Variants in SPRR2G observed in about 807,000 individuals in gnomAD.
SPRR2G encodes the protein small proline-rich protein 2G.
Under a neutral mutation model 0.7 loss-of-function variants are expected in SPRR2G, and 1 was observed. The observed-to-expected ratio is 1.49, with a 90% CI of 0.53 to 7.06. The LOEUF (loss-of-function observed/expected upper bound fraction) is 7.06. Among genes scored for constraint, SPRR2G ranks in the 30% most tolerant of loss-of-function variants. The pLI, the probability that SPRR2G is intolerant of heterozygous loss-of-function variation, is 0.14. For missense variants in SPRR2G, 96 were observed against 88.5 expected (o/e 1.09, Z -0.34); for synonymous variants, 38 against 33.9 (o/e 1.12, Z -0.42).
chr1:153,195,246 C>T, the SPRR2G span, among the ~76,000 whole-genome samples: 1 of 152,208 alleles, frequency 6.6e-6, no homozygotes, highest in Non-Finnish European at 1.5e-5. Flanking sequence ...TCTCTTTCTT[C>T]CAGAATCACA....
At chr1:153,151,452 G>A (rs1020998699), upstream of SPRR2G, among the ~76,000 whole-genome samples, 1 of 152,208 alleles carries the variant, frequency 6.6e-6, no homozygotes, top group Non-Finnish European at 1.5e-5. Flanking sequence ...ACCTGGGTGT[G>A]TTCTGACATG....
At chr1:153,183,512 GTCT>G in the SPRR2G span, among the ~76,000 whole-genome samples, 1 of 152,032 alleles carries the variant, frequency 6.6e-6, no homozygotes, top group Non-Finnish European at 1.5e-5. Flanking sequence ...CCACATATAT[GTCT>G]TCTTTTGACA....
chr1:153,195,374 C>G, the SPRR2G span, among the ~76,000 whole-genome samples: 1 of 152,186 alleles, frequency 6.6e-6, no homozygotes, highest in Non-Finnish European at 1.5e-5. Context: ...GGATTGGACA[C>G]GTGGGCCATG....
chr1:153,192,080 G>A, the SPRR2G span, among the ~76,000 whole-genome samples: 3 of 152,150 alleles, frequency 2.0e-5, no homozygotes, highest in Admixed American at 2.0e-4. Flanking sequence ...GCAGCAGTGG[G>A]GACACACATG....
At chr1:153,176,169 G>A in the SPRR2G span, 2 of 152,174 alleles carry the variant, frequency 1.3e-5, no homozygotes, top group African/African-American at 4.8e-5. Flanking sequence ...TGCCAGAGAA[G>A]GAATAGGGCA....
At chr1:153,183,497 G>C in the SPRR2G span, among the ~76,000 whole-genome samples, 184 of 152,066 alleles carry the variant, frequency 1.2e-3, no homozygotes, top group Non-Finnish European at 2.2e-3. Flanking sequence ...TCATGTGTTT[G>C]TTGGCCACAT....
At chr1:153,202,814 C>T in the SPRR2G span, among the ~76,000 whole-genome samples, 3 of 152,162 alleles carry the variant, frequency 2.0e-5, no homozygotes, top group South Asian at 4.1e-4. Flanking sequence ...TGAGTTCAGG[C>T]ACCCTGTGTC....
At chr1:153,184,600 T>G in the SPRR2G span, among the ~76,000 whole-genome samples, 4 of 152,212 alleles carry the variant, frequency 2.6e-5, no homozygotes, top group Non-Finnish European at 5.9e-5. Flanking sequence ...AAGGAGTTTT[T>G]GGGCTGAGAA....
the SPRR2G span, among the ~76,000 whole-genome samples, chr1:153,202,931 A>G: frequency 6.6e-6 from 1 of 152,220 alleles, no homozygotes; most frequent in Non-Finnish European, 1.5e-5. Flanking sequence ...CAAGGAAGGA[A>G]TTCTGAGAGG....
upstream of SPRR2G, among the ~76,000 whole-genome samples, chr1:153,151,787 G>T (rs1054259471): frequency 8.5e-5 from 13 of 152,192 alleles, no homozygotes; most frequent in African/African-American, 2.9e-4. Context: ...TTCGAGGAGT[G>T]AAGTTCTGTA....
upstream of SPRR2G, among the ~76,000 whole-genome samples, chr1:153,154,806 C>G (rs1370819491): frequency 6.6e-6 from 1 of 152,060 alleles, no homozygotes; most frequent in Non-Finnish European, 1.5e-5. Context: ...GCTGTCTCTT[C>G]TGTCCCACAT....
chr1:153,192,095 G>A, the SPRR2G span, among the ~76,000 whole-genome samples: 1 of 152,204 alleles, frequency 6.6e-6, no homozygotes, highest in African/African-American at 2.4e-5. Context: ...CACATGTGCT[G>A]CATGAACCAT....
At chr1:153,196,740 C>T in the SPRR2G span, among the ~76,000 whole-genome samples, 34 of 152,370 alleles carry the variant, frequency 2.2e-4, no homozygotes, top group African/African-American at 8.2e-4. Context: ...CTTTTCACTG[C>T]CTTCCTTACC....
the SPRR2G span, among the ~76,000 whole-genome samples, chr1:153,165,357 A>C: frequency 6.6e-6 from 1 of 152,234 alleles, no homozygotes; most frequent in Non-Finnish European, 1.5e-5. Flanking sequence ...ACAGAGCATA[A>C]AACTGAACCT....
the SPRR2G span, among the ~76,000 whole-genome samples, chr1:153,198,852 G>C: frequency 1.3e-5 from 2 of 152,112 alleles, no homozygotes; most frequent in Admixed American, 6.6e-5. Flanking sequence ...CAGCAATGGT[G>C]GATAATAATA....
the SPRR2G span, among the ~76,000 whole-genome samples, chr1:153,193,138 A>G: frequency 6.6e-6 from 1 of 152,196 alleles, no homozygotes; most frequent in Non-Finnish European, 1.5e-5. Context: ...ATGCAGCTAG[A>G]GGACAAAAGA....
the SPRR2G span, among the ~76,000 whole-genome samples, chr1:153,195,039 TAGC>T: frequency 6.6e-6 from 1 of 152,208 alleles, no homozygotes; most frequent in East Asian, 1.9e-4. Context: ...AAAGATGACC[TAGC>T]AGCAGCTGCA....
the SPRR2G span, among the ~76,000 whole-genome samples, chr1:153,176,980 A>C: frequency 2.6e-5 from 4 of 152,178 alleles, no homozygotes; most frequent in Admixed American, 6.5e-5. Flanking sequence ...CCTTGCAGTT[A>C]GTTAATCCCC....
the SPRR2G span, among the ~76,000 whole-genome samples, chr1:153,179,441 T>C: frequency 6.6e-6 from 1 of 152,264 alleles, no homozygotes; most frequent in South Asian, 2.1e-4. Flanking sequence ...GAATTCAATA[T>C]GAAGTTGTTT....
Sources: allele counts gnomAD v4.1 joint callset (sites outside exome capture counted in the v4.1 genomes callset), GRCh38; gene constraint gnomAD v4.1.1; transcripts MANE v1.5; gene names NCBI Gene and HGNC (gene_info 2026-07-23, HGNC 2026-07-21).